TMC3: variants seen among roughly 807,000 people sequenced by gnomAD.
TMC3 encodes transmembrane channel-like protein 3.
Under a neutral mutation model 110.6 loss-of-function variants are expected in TMC3, and 98 were observed. The observed-to-expected ratio is 0.89, with a 90% CI of 0.75 to 1.05. The LOEUF (loss-of-function observed/expected upper bound fraction) is 1.05. Ranked by LOEUF, TMC3 falls within the 50% of genes least tolerant of loss-of-function variation. The pLI, the probability that TMC3 is intolerant of heterozygous loss-of-function variation, is 0.00. For synonymous variants in TMC3, 489 were observed against 513.1 expected, an observed-to-expected ratio of 0.95 and a Z score of 0.63; for missense variants, 1,319 against 1,373.2, an observed-to-expected ratio of 0.96 and a Z score of 0.62.
chr15:81,372,511 C>A, intron 2 of TMC3, 80 bp downstream of exon 2: 2 of 1,568,498 alleles, frequency 1.3e-6, no homozygotes, highest in Non-Finnish European at 1.7e-6. Flanking sequence ...GAGTCTTTAT[C>A]CTCGTTCCCA....
intron 17 of TMC3, 113 bp downstream of exon 17, chr15:81,339,281 A>G (rs1267907035): frequency 4.9e-6 from 4 of 822,758 alleles, no homozygotes; most frequent in African/African-American, 1.7e-5. Flanking sequence ...CGGGTTTGCA[A>G]TCTTTCTATC....
At chr15:81,356,771 C>A (rs997340786) in intron 7 of TMC3, among the ~76,000 whole-genome samples, 177 bp from the exon 8 acceptor site, 1 of 152,170 alleles carries the variant, frequency 6.6e-6, no homozygotes, top group Non-Finnish European at 1.5e-5. Context: ...TGCTTGTGAC[C>A]TCAGCAACAC....
chr15:81,356,714 C>CTCGGG (rs930174242), intron 7 of TMC3, 120 bp from the exon 8 acceptor site: 9 of 1,112,120 alleles, frequency 8.1e-6, no homozygotes, highest in East Asian at 5.3e-5. Flanking sequence ...GACGCAGCTC[C>CTCGGG]TCGGGTCACA....
At chr15:81,350,467 G>A (rs1893923927) in intron 10 of TMC3, among the ~76,000 whole-genome samples, 1 of 149,550 alleles carries the variant, frequency 6.7e-6, no homozygotes, top group Non-Finnish European at 1.5e-5. Context: ...AGTTTTAGCT[G>A]GTACAGAAGA....
chr15:81,344,137 G>T (rs894444131), intron 13 of TMC3, 92 bp from the exon 14 acceptor site: 1 of 1,415,626 alleles, frequency 7.1e-7, no homozygotes, highest in Non-Finnish European at 9.5e-7. Flanking sequence ...GTTCATTCTT[G>T]TGGGCCCCAG....
intron 9 of TMC3, among the ~76,000 whole-genome samples, chr15:81,353,114 A>G (rs7163348): frequency 0.16 from 23,804 of 152,058 alleles, 3,548 homozygotes; most frequent in African/African-American, 0.4. Flanking sequence ...GTGCCACCAC[A>G]TCCGGCCTGG....
chr15:81,355,819 T>C (rs994831938), intron 8 of TMC3, 51 bp from the exon 9 acceptor site: 13 of 1,215,554 alleles, frequency 1.1e-5, no homozygotes, highest in Non-Finnish European at 1.6e-5. Flanking sequence ...TCATTAATTA[T>C]AAATCATTAG....
intron 11 of TMC3, among the ~76,000 whole-genome samples, chr15:81,347,424 G>A (rs1893849708): frequency 6.6e-6 from 1 of 152,174 alleles, no homozygotes; most frequent in Non-Finnish European, 1.5e-5. Flanking sequence ...GCATCTCCAG[G>A]GGACAGCATT....
At chr15:81,340,362 A>G (rs1893688595) in intron 16 of TMC3, among the ~76,000 whole-genome samples, 1 of 152,164 alleles carries the variant, frequency 6.6e-6, no homozygotes, top group Admixed American at 6.6e-5. Flanking sequence ...AGACATACAT[A>G]CATATAATAA....
intron 20 of TMC3, chr15:81,336,099 AAAATT>A (rs1404485894): frequency 6.6e-6 from 1 of 152,436 alleles, no homozygotes; most frequent in Non-Finnish European, 1.5e-5. Flanking sequence ...ATATGATATA[AAAATT>A]AAAGATTTAA....
At chr15:81,368,426 C>A (rs1290827654) in intron 2 of TMC3, 98 bp from the exon 3 acceptor site, 10 of 843,074 alleles carry the variant, frequency 1.2e-5, no homozygotes. Context: ...GCCATCTTGT[C>A]CTGAAAAATG....
At chr15:81,364,167 T>A (rs1015001473) in intron 3 of TMC3, among the ~76,000 whole-genome samples, 33 of 151,652 alleles carry the variant, frequency 2.2e-4, no homozygotes, top group African/African-American at 7.5e-4. Flanking sequence ...TAAAAAAATC[T>A]CCCCCACCAC....
intron 20 of TMC3, chr15:81,336,152 A>G (rs550382077): frequency 5.5e-4 from 84 of 153,926 alleles, no homozygotes; most frequent in South Asian, 1.2e-3. Flanking sequence ...TTTATTGTGC[A>G]TAGTTACTGG....
Position 81,354,796 on chromosome 15 carries a change from G to A in TMC3, c.935+929C>T, listed in dbSNP as rs150537148. Among the ~76,000 whole-genome samples, 3 of 152,182 alleles carry A rather than the reference G, an allele frequency of 2.0e-5. No homozygotes were observed. The East Asian group carries it at 5.8e-4, about 29-fold the overall frequency. On this transcript the variant is annotated intron_variant, in intron 9 of 21. Coordinates refer to ENST00000359440, the MANE Select transcript of TMC3 (RefSeq NM_001080532.3). Reference sequence around the variant, plus strand: ...TTTTGGCCCTTGATTTGCACAATGAGGAAACATTCCCAAATGAGAAGATAA... The same window carrying A: ...TTTTGGCCCTTGATTTGCACAATGAAGAAACATTCCCAAATGAGAAGATAA...
At chr15:81,365,109 C>T (rs182084335) in intron 3 of TMC3, among the ~76,000 whole-genome samples, 4,997 of 152,088 alleles carry the variant, frequency 0.033, 78 homozygotes, top group East Asian at 0.14. Flanking sequence ...ACAAACGTTT[C>T]CATAATACTT....
Position 81,334,797 on chromosome 15 carries a change from G to C in TMC3, c.2382C>G (p.Ser794Arg), listed in dbSNP as rs1485117073. 6.2e-7 allele frequency: 1 copy of C among 1,614,020 alleles called. No homozygotes were observed. Among genetic ancestry groups the C allele is most frequent in the South Asian group, 1.1e-5 (1 of 91,084 alleles). Residue 794 changes from serine (S) to arginine (R), a missense_variant, in exon 21 of 22, where the codon AGC becomes AGG. Physicochemically the swap from Ser to Arg is moderately radical, Grantham distance 110. Coordinates refer to ENST00000359440, the MANE Select transcript of TMC3 (RefSeq NM_001080532.3). ...TAGGAGCCCTGTCCCCTGGCCTCGG[G>C]CTCTGGGGCATGGACTGTGCGACTG... ...IETVAQSMPQ[S>R]PRPGDRAPSS...
At chr15:81,356,938 T>G (rs1282099118) in intron 7 of TMC3, among the ~76,000 whole-genome samples, 2 of 152,188 alleles carry the variant, frequency 1.3e-5, no homozygotes, top group African/African-American at 4.8e-5. Flanking sequence ...AAATAAAATT[T>G]TCCTTTGAAT....
Position 81,336,627 on chromosome 15 carries a change from C to G in TMC3, c.2185G>C (p.Val729Leu), listed in dbSNP as rs748127824. The change falls in exon 20 of 22, where the codon GTT becomes CTT. Residue 729 changes from valine to leucine, a missense_variant. Coordinates refer to ENST00000359440, the MANE Select transcript of TMC3 (RefSeq NM_001080532.3). ...TACTTACCTTCTACCATCTGGGCAA[C>G]CTTTTTCTTATCCTCTGATCTTGCC... ...QNARSEDKKK[V>L]AQMVEARIQT... The G allele has an allele frequency of 8.1e-6, 13 of 1,613,752 alleles. No individual in the cohort carries two copies. Among genetic ancestry groups the G allele is most frequent in the Non-Finnish European group, 1.1e-5 (13 of 1,179,876 alleles).
In TMC3 at chr15:81,333,151, T is replaced by C. The variant is rs1356130464; in HGVS notation, c.2571A>G (p.Arg857=). ...IEDVHSEPLF[R]KDFQQINPPH... The stretch of plus-strand genomic sequence containing the variant: ...GAGGGTTGATTTGCTGAAAGTCTTT[T>C]CGGAAAAGAGGTTCTGAGTGTACAT... The change falls in exon 22 of 22, where the codon CGA becomes CGG. Residue 857 remains arginine (R), a synonymous_variant. Coordinates refer to ENST00000359440, the MANE Select transcript of TMC3 (RefSeq NM_001080532.3). The C allele has an allele frequency of 1.2e-6, 2 of 1,613,940 alleles. No individual in the cohort carries two copies. Among genetic ancestry groups the C allele is most frequent in the African/African-American group, 2.7e-5 (2 of 74,934 alleles).
Sources: gnomAD v4.1 joint callset for allele counts (sites outside exome capture counted in the v4.1 genomes callset) on GRCh38, gnomAD v4.1.1 for gene constraint, MANE v1.5 for transcripts, NCBI Gene and HGNC (gene_info 2026-07-23, HGNC 2026-07-21) for gene names.